ARHGAP24: variants seen among roughly 807,000 people sequenced by gnomAD.
ARHGAP24 encodes rho GTPase-activating protein 24.
Under a neutral mutation model 76.4 loss-of-function variants are expected in ARHGAP24, and 50 were observed. The observed-to-expected ratio is 0.65, with a 90% CI of 0.52 to 0.83. ARHGAP24 has a LOEUF of 0.83. Ranked by LOEUF, ARHGAP24 falls within the 40% of genes least tolerant of loss-of-function variation. The probability of loss-of-function intolerance (pLI) is 0.00; values close to 1 mark genes in which losing one functional copy is unlikely to be tolerated. For synonymous variants in ARHGAP24, 345 were observed against 323.3 expected (o/e 1.07, Z -0.72); for missense variants, 930 against 914.2 (o/e 1.02, Z -0.22).
rs567583939 is a variant in ARHGAP24, at chr4:85,952,420, A to T, written c.599+10147A>T. 2.0e-5 allele frequency among the ~76,000 whole-genome samples: 3 copies of T among 152,356 alleles called. No individual in the cohort carries two copies. The South Asian group carries it at 6.2e-4, about 32-fold the overall frequency. ...TCAGCTGAAGAGCATGTATTCATAC[A>T]TCTGCCTGTGCTTTGGAAGCTATGG... On this transcript the variant is annotated intron_variant, in intron 5 of 9. Transcript: ENST00000395184.
chr4:85,478,784 G>C (rs1200160726), intron 1 of ARHGAP24, among the ~76,000 whole-genome samples: 2 of 151,958 alleles, frequency 1.3e-5, no homozygotes, highest in African/African-American at 4.8e-5. Flanking sequence ...CTTGATTCTT[G>C]GTGGCTCACT....
intron 3 of ARHGAP24, among the ~76,000 whole-genome samples, chr4:85,742,278 GTCTC>G (rs1171008638): frequency 2.6e-5 from 4 of 152,218 alleles, no homozygotes; most frequent in Admixed American, 2.6e-4. Context: ...TACTGATGAT[GTCTC>G]TCTCTTATCG....
At chr4:85,997,794 T>C (rs1490332861) in intron 9 of ARHGAP24, among the ~76,000 whole-genome samples, 9 of 151,912 alleles carry the variant, frequency 5.9e-5, no homozygotes. Flanking sequence ...TAGCTTGGAT[T>C]ACAGATGCAT....
At chr4:85,801,416 A>G (rs1484036271) in intron 3 of ARHGAP24, among the ~76,000 whole-genome samples, 4 of 152,356 alleles carry the variant, frequency 2.6e-5, no homozygotes, top group South Asian at 2.1e-4. Flanking sequence ...TAAATATTAT[A>G]TAACATTTTT....
At chr4:85,769,683 G>A (rs921876600) in intron 3 of ARHGAP24, among the ~76,000 whole-genome samples, 5 of 150,120 alleles carry the variant, frequency 3.3e-5, no homozygotes, top group African/African-American at 4.9e-5. Flanking sequence ...CTCTGTCACC[G>A]GGCAAGCGAT....
At chr4:85,942,490 T>C (rs964280836) in intron 5 of ARHGAP24, 9 of 492,132 alleles carry the variant, frequency 1.8e-5, no homozygotes, top group South Asian at 1.2e-4. Context: ...TCTTAAAACA[T>C]TTTTTTTGTT....
intron 3 of ARHGAP24, among the ~76,000 whole-genome samples, chr4:85,747,567 G>C (rs1441750160): frequency 6.6e-6 from 1 of 151,856 alleles, no homozygotes. Flanking sequence ...GCCGGGCGTA[G>C]TGGCGGGCGC....
chr4:85,724,355 C>T (rs1725075625), intron 3 of ARHGAP24, among the ~76,000 whole-genome samples: 1 of 152,034 alleles, frequency 6.6e-6, no homozygotes, highest in Non-Finnish European at 1.5e-5. Flanking sequence ...TGATTTCCAA[C>T]AAAACTAACA....
At chr4:85,867,303 G>A (rs1205690847) in intron 3 of ARHGAP24, among the ~76,000 whole-genome samples, 1 of 152,096 alleles carries the variant, frequency 6.6e-6, no homozygotes, top group Non-Finnish European at 1.5e-5. Context: ...TATGTTGGAT[G>A]TAATCTTTAA....
At chr4:85,790,599 C>A (rs917928631) in intron 3 of ARHGAP24, among the ~76,000 whole-genome samples, 2 of 152,222 alleles carry the variant, frequency 1.3e-5, no homozygotes, top group African/African-American at 4.8e-5. Context: ...TTCTTTCAAC[C>A]ACAAGCATAA....
At position 85,491,417 on chromosome 4, in the gene ARHGAP24, T is replaced by C. The variant is rs184356676; in HGVS notation, c.-21+15858T>C. ...TAAAAATAAGTAACAGAAACTGTTC[T>C]ATTCTGGTATTAATTGCCACTTACT... On this transcript the variant is annotated intron_variant, in intron 1 of 9. Coordinates refer to ENST00000395184, the MANE Select transcript of ARHGAP24 (RefSeq NM_001025616.3). 2.8e-4 allele frequency among the ~76,000 whole-genome samples: 42 copies of C among 152,356 alleles called. No individual in the cohort carries two copies. The East Asian group carries it at 7.9e-3, about 29-fold the overall frequency.
intron 2 of ARHGAP24, among the ~76,000 whole-genome samples, chr4:85,713,362 A>C (rs1277514410): frequency 2.6e-5 from 4 of 152,186 alleles, no homozygotes; most frequent in Non-Finnish European, 4.4e-5. Flanking sequence ...CTTAGTGCAC[A>C]AGTAATATGT....
intron 3 of ARHGAP24, among the ~76,000 whole-genome samples, chr4:85,912,918 G>A (rs1735166837): frequency 6.6e-6 from 1 of 151,756 alleles, no homozygotes; most frequent in South Asian, 2.1e-4. Context: ...CATACTTTGG[G>A]GTGAAAGCGA....
chr4:85,632,553 A>C (rs888625838), intron 2 of ARHGAP24, among the ~76,000 whole-genome samples: 1 of 150,154 alleles, frequency 6.7e-6, no homozygotes. Flanking sequence ...AGGTAATATA[A>C]AAGAAAAATA....
At chr4:85,785,488 A>G (rs574563851) in intron 3 of ARHGAP24, among the ~76,000 whole-genome samples, 1 of 151,962 alleles carries the variant, frequency 6.6e-6, no homozygotes, top group African/African-American at 2.4e-5. Context: ...TGTTGTTGTT[A>G]TTTTGTTTTG....
chr4:85,824,703 A>G (rs1412908304), intron 3 of ARHGAP24, among the ~76,000 whole-genome samples: 1 of 152,222 alleles, frequency 6.6e-6, no homozygotes, highest in Admixed American at 6.5e-5. Flanking sequence ...AAAAAAAACA[A>G]CATAGAGGTT....
chr4:85,856,242 G>C (rs1018479330), intron 3 of ARHGAP24, among the ~76,000 whole-genome samples: 1 of 151,544 alleles, frequency 6.6e-6, no homozygotes, highest in Non-Finnish European at 1.5e-5. Flanking sequence ...ATGTACTTTC[G>C]GGCCATTCAC....
chr4:85,950,570 A>G (rs1333436418), intron 5 of ARHGAP24, among the ~76,000 whole-genome samples: 1 of 152,164 alleles, frequency 6.6e-6, no homozygotes, highest in Non-Finnish European at 1.5e-5. Context: ...GTGAATGATG[A>G]TGAATAGTGT....
chr4:85,658,556 A>C (rs7671828), intron 2 of ARHGAP24, among the ~76,000 whole-genome samples: 4,303 of 152,306 alleles, frequency 0.028, 189 homozygotes, highest in African/African-American at 0.097. Context: ...TAAGCACTCA[A>C]TAAATACTTG....
Sources: allele counts gnomAD v4.1 joint callset (sites outside exome capture counted in the v4.1 genomes callset), GRCh38; gene constraint gnomAD v4.1.1; transcripts MANE v1.5; gene names NCBI Gene and HGNC (gene_info 2026-07-23, HGNC 2026-07-21).